The following OR1F1 variants were observed in gnomAD, a reference collection of about 807,000 sequenced individuals.
OR1F1 encodes the protein olfactory receptor 1F1.
For missense variants in OR1F1, 493 were observed against 376.3 expected (o/e 1.31, Z -2.57); for synonymous variants, 184 against 156.7 (o/e 1.17, Z -1.30).
chr16:3,198,573 G>A, the OR1F1 span, among the ~76,000 whole-genome samples: 2 of 152,182 alleles, frequency 1.3e-5, no homozygotes, highest in Non-Finnish European at 2.9e-5. Flanking sequence ...GGACCTGATG[G>A]TGGCAGCTGG....
At chr16:3,197,681 GGGAGAGGGAGAGGGAGAGGGAGAA>G in the OR1F1 span, among the ~76,000 whole-genome samples, 4 of 139,936 alleles carry the variant, frequency 2.9e-5, no homozygotes, top group Admixed American at 7.2e-5. Context: ...TGGGGAGAGA[GGGAGAGGGAGAGGGAGAGGGAGAA>G]GGAGAGGGAG....
the OR1F1 span, among the ~76,000 whole-genome samples, chr16:3,196,142 C>T: frequency 6.6e-6 from 1 of 152,228 alleles, no homozygotes; most frequent in African/African-American, 2.4e-5. Flanking sequence ...ATCAGAAAAC[C>T]TTGCAGTTAT....
At chr16:3,189,266 A>G in the OR1F1 span, among the ~76,000 whole-genome samples, 1 of 152,156 alleles carries the variant, frequency 6.6e-6, no homozygotes, top group Admixed American at 6.5e-5. Flanking sequence ...GCTTGCAGTG[A>G]TCGAGGCTCG....
At chr16:3,191,971 T>G in the OR1F1 span, among the ~76,000 whole-genome samples, 4 of 152,152 alleles carry the variant, frequency 2.6e-5, no homozygotes, top group African/African-American at 2.4e-5. Flanking sequence ...CAAAGAAAAG[T>G]AAAGGGCCTG....
At chr16:3,195,300 A>G in the OR1F1 span, among the ~76,000 whole-genome samples, 1 of 152,244 alleles carries the variant, frequency 6.6e-6, no homozygotes, top group Non-Finnish European at 1.5e-5. Context: ...AAAAGAAAAC[A>G]GAAAAAAAGG....
chr16:3,198,470 G>A, the OR1F1 span, among the ~76,000 whole-genome samples: 1 of 152,144 alleles, frequency 6.6e-6, no homozygotes, highest in African/African-American at 2.4e-5. Flanking sequence ...AATGCCTGAT[G>A]AACATGGGTG....
chr16:3,196,215 T>C, the OR1F1 span, among the ~76,000 whole-genome samples: 8 of 152,212 alleles, frequency 5.3e-5, no homozygotes, highest in African/African-American at 1.9e-4. Flanking sequence ...GTTTGAGCCC[T>C]GTGTTGAGCA....
downstream of OR1F1, among the ~76,000 whole-genome samples, chr16:3,205,820 G>A (rs1958201897): frequency 6.6e-6 from 1 of 152,028 alleles, no homozygotes; most frequent in South Asian, 2.1e-4. Context: ...CGTCACCTCA[G>A]GACCACTGTG....
At chr16:3,195,676 C>CAAAA in the OR1F1 span, among the ~76,000 whole-genome samples, 1 of 99,294 alleles carries the variant, frequency 1.0e-5, no homozygotes, top group African/African-American at 3.6e-5. Context: ...GAGTGGAACT[C>CAAAA]AAAAAAAAAA....
the OR1F1 span, among the ~76,000 whole-genome samples, chr16:3,198,423 G>A: frequency 6.6e-6 from 1 of 152,176 alleles, no homozygotes; most frequent in East Asian, 1.9e-4. Context: ...GATGACACAT[G>A]CAGAGAGAGG....
chr16:3,190,065 G>A, the OR1F1 span, among the ~76,000 whole-genome samples: 5 of 152,130 alleles, frequency 3.3e-5, no homozygotes, highest in African/African-American at 1.2e-4. Flanking sequence ...CGCCTTAAAA[G>A]GTCCAGCCTG....
At chr16:3,202,076 C>T (rs1288745294), upstream of OR1F1, among the ~76,000 whole-genome samples, 3 of 152,188 alleles carry the variant, frequency 2.0e-5, no homozygotes, top group Non-Finnish European at 2.9e-5. Flanking sequence ...TGTATTCTTT[C>T]CTGGGCAAAG....
chr16:3,191,955 C>T, the OR1F1 span, among the ~76,000 whole-genome samples: 1 of 152,236 alleles, frequency 6.6e-6, no homozygotes, highest in African/African-American at 2.4e-5. Context: ...TACTCCACGG[C>T]TGCCACAAAG....
At chr16:3,194,915 C>A in the OR1F1 span, among the ~76,000 whole-genome samples, 1 of 152,200 alleles carries the variant, frequency 6.6e-6, no homozygotes, top group Non-Finnish European at 1.5e-5. Context: ...GAGCCACCGC[C>A]CTTCTTCTGT....
chr16:3,205,248 G>A (rs1958191701), downstream of OR1F1: 1 of 1,181,012 alleles, frequency 8.5e-7, no homozygotes, highest in Non-Finnish European at 1.2e-6. Flanking sequence ...TGAGTTTAAT[G>A]CAGTAGTTGT....
chr16:3,200,523 C>T (rs1388436465), upstream of OR1F1, among the ~76,000 whole-genome samples: 3 of 152,176 alleles, frequency 2.0e-5, no homozygotes, highest in East Asian at 3.9e-4. Context: ...AGGAGAATGG[C>T]GTGGACCCGG....
chr16:3,201,752 G>A (rs562627827), upstream of OR1F1, among the ~76,000 whole-genome samples: 56 of 152,288 alleles, frequency 3.7e-4, 3 homozygotes, highest in South Asian at 0.011. Flanking sequence ...TTGAGGATTA[G>A]CTAAAAGAGA....
At chr16:3,192,871 T>C in the OR1F1 span, among the ~76,000 whole-genome samples, 1 of 152,038 alleles carries the variant, frequency 6.6e-6, no homozygotes, top group Non-Finnish European at 1.5e-5. Flanking sequence ...GGTGTCTGAC[T>C]CGCGCCGTCT....
chr16:3,202,975 A>C (rs545643348), upstream of OR1F1, among the ~76,000 whole-genome samples: 7 of 150,508 alleles, frequency 4.7e-5, no homozygotes, highest in African/African-American at 1.8e-4. Flanking sequence ...TCTTAATCCC[A>C]GTACAGCTTC....
Sources: gnomAD v4.1 joint callset for allele counts (sites outside exome capture counted in the v4.1 genomes callset) on GRCh38, gnomAD v4.1.1 for gene constraint, MANE v1.5 for transcripts, NCBI Gene and HGNC (gene_info 2026-07-23, HGNC 2026-07-21) for gene names.